ZNF385D: variants seen among roughly 807,000 people sequenced by gnomAD.
ZNF385D encodes zinc finger protein 385D, also known as zinc finger protein 659.
Under a neutral mutation model 35.8 loss-of-function variants are expected in ZNF385D, and 15 were observed. The ratio of observed to expected loss-of-function variants is 0.42; its 90% CI spans 0.28 to 0.64. The LOEUF (loss-of-function observed/expected upper bound fraction) is 0.64. Ranked by LOEUF, ZNF385D falls within the 30% of genes least tolerant of loss-of-function variation. The probability of loss-of-function intolerance (pLI) is 0.23; values close to 1 mark genes in which losing one functional copy is unlikely to be tolerated. For synonymous variants in ZNF385D, 212 were observed against 186.8 expected, an observed-to-expected ratio of 1.13 and a Z score of -1.10; for missense variants, 474 against 494.6, an observed-to-expected ratio of 0.96 and a Z score of 0.39.
chr3:22,296,200 A>G (rs1338224120), intron 2 of ZNF385D, among the ~76,000 whole-genome samples: 1 of 152,168 alleles, frequency 6.6e-6, no homozygotes, highest in African/African-American at 2.4e-5. Flanking sequence ...ACTACCCTCA[A>G]AACTTATGGG....
intron 2 of ZNF385D, among the ~76,000 whole-genome samples, chr3:22,252,641 A>T (rs1266465494): frequency 1.3e-5 from 2 of 152,090 alleles, no homozygotes; most frequent in African/African-American, 2.4e-5. Context: ...GTACCTGAGG[A>T]AGGCTGCATC....
At chr3:21,938,276 G>A (rs1440109696) in intron 3 of ZNF385D, among the ~76,000 whole-genome samples, 1 of 152,186 alleles carries the variant, frequency 6.6e-6, no homozygotes, top group East Asian at 1.9e-4. Context: ...GAACGTTTTT[G>A]TGACTGACAC....
chr3:21,860,190 G>A (rs1193733213), intron 3 of ZNF385D, among the ~76,000 whole-genome samples: 1 of 151,696 alleles, frequency 6.6e-6, no homozygotes, highest in African/African-American at 2.4e-5. Context: ...GACCAAGGTT[G>A]AGCACGTTTG....
At chr3:21,730,445 A>T (rs2068944618) in intron 1 of ZNF385D, among the ~76,000 whole-genome samples, 1 of 152,238 alleles carries the variant, frequency 6.6e-6, no homozygotes, top group African/African-American at 2.4e-5. Context: ...AGAGATATCC[A>T]AACAACTGAA....
intron 3 of ZNF385D, among the ~76,000 whole-genome samples, chr3:22,041,068 CA>C (rs571814643): frequency 8.4e-4 from 128 of 152,142 alleles, no homozygotes; most frequent in Non-Finnish European, 1.5e-3. Flanking sequence ...GAAGGGGTTT[CA>C]AAAGATGTCA....
chr3:21,968,928 G>T (rs927371806), intron 3 of ZNF385D, among the ~76,000 whole-genome samples: 1 of 152,202 alleles, frequency 6.6e-6, no homozygotes. Flanking sequence ...TGGGGTCTCT[G>T]ATTCCTGGCC....
At chr3:21,841,620 A>G (rs1037940110) in intron 3 of ZNF385D, among the ~76,000 whole-genome samples, 2 of 151,914 alleles carry the variant, frequency 1.3e-5, no homozygotes. Context: ...TGTCCATTCA[A>G]TCGCTTCCAT....
intron 2 of ZNF385D, among the ~76,000 whole-genome samples, chr3:21,614,814 C>T (rs950480920): frequency 3.9e-5 from 6 of 152,196 alleles, no homozygotes; most frequent in Non-Finnish European, 7.3e-5. Context: ...GTCTCAAGCT[C>T]TTGACCTCGT....
At chr3:22,255,117 T>G (rs1403011520) in intron 2 of ZNF385D, among the ~76,000 whole-genome samples, 1 of 151,658 alleles carries the variant, frequency 6.6e-6, no homozygotes, top group African/African-American at 2.4e-5. Flanking sequence ...TACTGAGACT[T>G]GGGAAAACAA....
At chr3:21,744,780 T>C (rs1027296940) in intron 1 of ZNF385D, among the ~76,000 whole-genome samples, 1 of 152,090 alleles carries the variant, frequency 6.6e-6, no homozygotes, top group East Asian at 1.9e-4. Context: ...GAAAAAAAGA[T>C]TATGGAATTT....
At chr3:22,196,478 TTTTC>T (rs1696422644) in intron 2 of ZNF385D, among the ~76,000 whole-genome samples, 3 of 152,256 alleles carry the variant, frequency 2.0e-5, no homozygotes, top group African/African-American at 4.8e-5. Flanking sequence ...TTTCATTCTT[TTTTC>T]TTTCTCTTGC....
At chr3:21,809,673 T>C (rs71613667) in intron 3 of ZNF385D, among the ~76,000 whole-genome samples, 12,194 of 81,138 alleles carry the variant, frequency 0.15, 752 homozygotes, top group East Asian at 0.38. Context: ...TACACATATA[T>C]ACACACATAT....
chr3:21,597,853 T>G (rs2064169102), intron 2 of ZNF385D, among the ~76,000 whole-genome samples: 1 of 152,122 alleles, frequency 6.6e-6, no homozygotes, highest in Non-Finnish European at 1.5e-5. Context: ...GATCCAACCT[T>G]CATCTGGAAA....
intron 3 of ZNF385D, among the ~76,000 whole-genome samples, chr3:22,011,689 A>C (rs1696584489): frequency 6.6e-6 from 1 of 152,156 alleles, no homozygotes; most frequent in Admixed American, 6.5e-5. Context: ...GCTATAATTT[A>C]TGTAACAATC....
At chr3:21,611,369 C>T (rs1185982070) in intron 2 of ZNF385D, among the ~76,000 whole-genome samples, 1 of 152,116 alleles carries the variant, frequency 6.6e-6, no homozygotes, top group Non-Finnish European at 1.5e-5. Flanking sequence ...TGGGCTGTTC[C>T]TACTATGCTA....
chr3:22,142,352 A>G (rs556328871), intron 3 of ZNF385D, among the ~76,000 whole-genome samples: 16 of 152,254 alleles, frequency 1.1e-4, no homozygotes, highest in South Asian at 4.1e-4. Context: ...GGTTTATTCG[A>G]TATTATCTCC....
intron 1 of ZNF385D, among the ~76,000 whole-genome samples, chr3:21,743,318 TA>T (rs2069609731): frequency 1.3e-5 from 2 of 152,144 alleles, no homozygotes; most frequent in Non-Finnish European, 1.5e-5. Context: ...AAACATACAG[TA>T]TACAATTAAT....
Position 22,046,195 on chromosome 3 carries a change from T to C in ZNF385D, c.325+122622A>G, listed in dbSNP as rs190872518. Reference sequence around the variant, plus strand: ...AAGAGGAAAAAGTCAAAGGAAAATATTCATACGGGGTTTCAATTCAAAGCA... The same window carrying C: ...AAGAGGAAAAAGTCAAAGGAAAATACTCATACGGGGTTTCAATTCAAAGCA... On this transcript the variant is annotated intron_variant, in intron 3 of 5. Transcript: ENST00000494108. Among the ~76,000 whole-genome samples, 384 of 152,238 alleles carry C rather than the reference T, an allele frequency of 2.5e-3. 3 individuals carry two copies. Among genetic ancestry groups the C allele is most frequent in the Non-Finnish European group, 4.7e-3 (323 of 68,006 alleles).
chr3:22,311,750 A>C (rs1387772957), intron 2 of ZNF385D, among the ~76,000 whole-genome samples: 1 of 152,132 alleles, frequency 6.6e-6, no homozygotes, highest in Non-Finnish European at 1.5e-5. Flanking sequence ...CTATTACGAC[A>C]CAAATCTAGT....
Sources: allele counts gnomAD v4.1 joint callset (sites outside exome capture counted in the v4.1 genomes callset), GRCh38; gene constraint gnomAD v4.1.1; transcripts MANE v1.5; gene names NCBI Gene and HGNC (gene_info 2026-07-23, HGNC 2026-07-21).